PKD2L1: variants seen among roughly 807,000 people sequenced by gnomAD.
The protein encoded by PKD2L1 is polycystin 2 like 1, transient receptor potential cation channel.
A neutral mutation model predicts 93.0 loss-of-function variants in PKD2L1; 77 were observed. The ratio of observed to expected loss-of-function variants is 0.83; its 90% CI spans 0.69 to 1.00. The LOEUF is 1.00. PKD2L1 is among the 50% of genes least tolerant of loss of function. PKD2L1 has a pLI of 0.00. For synonymous variants in PKD2L1, 390 were observed against 388.0 expected, an observed-to-expected ratio of 1.01 and a Z score of -0.06; for missense variants, 977 against 990.9, an observed-to-expected ratio of 0.99 and a Z score of 0.19.
chr10:100,329,328 A>T lies in PKD2L1; in HGVS notation c.236-4T>A. ...GTCAGGGTTGTTCCCCAAAGTCCTA[A>T]GGGGCATGGGAGAGATGCCTGGGAT... is the stretch of plus-strand genomic sequence containing the variant. On this transcript the variant is annotated splice_region_variant and splice_polypyrimidine_tract_variant and intron_variant, in intron 1 of 15. Transcript: ENST00000318222. The T allele has an allele frequency of 6.2e-7, 1 of 1,614,100 alleles. No individual in the cohort carries two copies. The highest frequency in any genetic ancestry group is 2.2e-5 in the East Asian group (1 of 44,878).
Position 100,315,993 on chromosome 10 carries a change from C to G in PKD2L1, c.349+13218G>C, listed in dbSNP as rs12268799. ...CGATGACTTTGGGCTTCCCCAGACA[C>G]GAATGGTACCTGTCTCTGGGACCTT... On this transcript the variant is annotated intron_variant, in intron 2 of 15. Transcript: ENST00000318222. 3.3e-5 allele frequency among the ~76,000 whole-genome samples: 5 copies of G among 152,236 alleles called. No individual in the cohort carries two copies. In the East Asian group the frequency reaches 5.8e-4, roughly 18 times the overall value.
At chr10:100,324,933 T>A (rs1849344299) in intron 2 of PKD2L1, among the ~76,000 whole-genome samples, 1 of 152,180 alleles carries the variant, frequency 6.6e-6, no homozygotes, top group Non-Finnish European at 1.5e-5. Flanking sequence ...GAAAACAGCA[T>A]CCTGATAGAG....
chr10:100,300,901 T>C (rs570684472), intron 2 of PKD2L1, among the ~76,000 whole-genome samples: 2 of 152,214 alleles, frequency 1.3e-5, no homozygotes, highest in Non-Finnish European at 2.9e-5. Flanking sequence ...AATGGCACGA[T>C]CTTGGCTCAC....
chr10:100,294,796 C>A, intron 8 of PKD2L1, 141 bp from the exon 9 acceptor site: 1 of 1,343,892 alleles, frequency 7.4e-7, no homozygotes, highest in South Asian at 1.3e-5. Flanking sequence ...TTTAAGCACA[C>A]ACACCAGGGC....
chr10:100,306,859 A>AAAAAAAAAAAAAC (rs1848813972), intron 2 of PKD2L1, among the ~76,000 whole-genome samples: 1 of 148,404 alleles, frequency 6.7e-6, no homozygotes. Context: ...CCCTGTCAAA[A>AAAAAAAAAAAAAC]AAAAAAAAAA....
chr10:100,299,635 C>T lies in PKD2L1; in HGVS notation c.433G>A (p.Gly145Arg). ...ELFLHTPSDT[G>R]VSFQAISSMA... is the part of the protein sequence containing the mutation. ...CTGCTGATGGCCTGAAAGGAGACTCCAGTGTCTGATGGAGTATGTAAGAAG... is the reference window on the plus strand; with the variant it reads ...CTGCTGATGGCCTGAAAGGAGACTCTAGTGTCTGATGGAGTATGTAAGAAG... The change falls in exon 3 of 16, where the codon GGA (glycine) becomes AGA (arginine). Residue 145 changes from glycine to arginine, a missense_variant. Gly to Arg is a moderately radical substitution (Grantham distance 125). Transcript: ENST00000318222. 2 of 1,613,698 alleles carry T rather than the reference C, an allele frequency of 1.2e-6. No homozygotes were observed. Among genetic ancestry groups the T allele is most frequent in the Middle Eastern group, 1.7e-4 (1 of 6,058 alleles).
intron 14 of PKD2L1, among the ~76,000 whole-genome samples, chr10:100,289,545 AT>A (rs1848357021): frequency 6.6e-6 from 1 of 152,058 alleles, no homozygotes; most frequent in South Asian, 2.1e-4. Context: ...ATCTCAAATA[AT>A]AATAATAATA....
Position 100,298,782 on chromosome 10 carries a change from A to G in PKD2L1, c.511T>C (p.Trp171Arg). ...AQGPLLDSLYWTKWYNNQSLG... is the reference protein window; with the variant it reads ...AQGPLLDSLYRTKWYNNQSLG... ...CTCTGGTTGTTGTACCATTTGGTCC[A>G]ATACAAACTGTCCAGTAGTGGGCCC... Residue 171 changes from tryptophan to arginine, a missense_variant, in exon 4 of 16, where the codon TGG becomes CGG. Physicochemically the swap from Trp to Arg is moderately radical, Grantham distance 101. Transcript: ENST00000318222. The G allele has an allele frequency of 4.3e-6, 7 of 1,613,602 alleles. No homozygotes were observed. Among genetic ancestry groups the G allele is most frequent in the Non-Finnish European group, 5.9e-6 (7 of 1,179,990 alleles).
intron 2 of PKD2L1, among the ~76,000 whole-genome samples, chr10:100,319,485 C>T (rs1849181256): frequency 6.6e-6 from 1 of 152,192 alleles, no homozygotes; most frequent in South Asian, 2.1e-4. Context: ...TCATTACAGC[C>T]ACACAGGAAC....
rs755427105 is a variant in PKD2L1, at chr10:100,295,044, C to G, written c.1436G>C (p.Gly479Ala). Reference sequence around the variant, plus strand: ...AACAATGAAGAACATGACGGCGAAGCCCAGGATGTCCTTGGCACAGCGGGC... The same window carrying G: ...AACAATGAAGAACATGACGGCGAAGGCCAGGATGTCCTTGGCACAGCGGGC... Reference protein sequence around the residue: ...TLARCAKDILGFAVMFFIVFF... With the variant: ...TLARCAKDILAFAVMFFIVFF... Residue 479 changes from glycine (G) to alanine (A), a missense_variant, in exon 8 of 16, where the codon GGC (glycine) becomes GCC (alanine). Transcript: ENST00000318222. 3 of 1,614,006 alleles carry G rather than the reference C, an allele frequency of 1.9e-6. No individual in the cohort carries two copies. The highest frequency in any genetic ancestry group is 1.7e-6 in the Non-Finnish European group (2 of 1,179,998).
At chr10:100,311,627 G>T (rs1442362241) in intron 2 of PKD2L1, among the ~76,000 whole-genome samples, 1 of 152,078 alleles carries the variant, frequency 6.6e-6, no homozygotes, top group African/African-American at 2.4e-5. Flanking sequence ...CCTTTCCCAG[G>T]TGATTGCCAT....
chr10:100,306,223 T>C (rs1045081239), intron 2 of PKD2L1, among the ~76,000 whole-genome samples: 9 of 152,226 alleles, frequency 5.9e-5, no homozygotes, highest in Non-Finnish European at 5.9e-5. Context: ...TCCAAAGTGA[T>C]ACTCGTGGTC....
intron 7 of PKD2L1, among the ~76,000 whole-genome samples, 177 bp downstream of exon 7, chr10:100,295,945 A>G (rs1346240913): frequency 6.6e-6 from 1 of 151,500 alleles, no homozygotes; most frequent in Non-Finnish European, 1.5e-5. Context: ...CTGAGGCAGG[A>G]GAATCACTTG....
intron 2 of PKD2L1, among the ~76,000 whole-genome samples, chr10:100,311,112 C>G (rs1400883233): frequency 6.6e-6 from 1 of 152,186 alleles, no homozygotes; most frequent in Non-Finnish European, 1.5e-5. Flanking sequence ...GCCAATTATT[C>G]CCAGAGTTAG....
At chr10:100,307,409 A>C (rs983025530) in intron 2 of PKD2L1, among the ~76,000 whole-genome samples, 6 of 152,196 alleles carry the variant, frequency 3.9e-5, no homozygotes, top group African/African-American at 1.4e-4. Flanking sequence ...GGTCATCCCA[A>C]CACTTTAGGA....
At chr10:100,326,215 C>T (rs1251865125) in intron 2 of PKD2L1, among the ~76,000 whole-genome samples, 2 of 152,146 alleles carry the variant, frequency 1.3e-5, no homozygotes, top group Non-Finnish European at 2.9e-5. Flanking sequence ...AATAGCTCTC[C>T]CTGTCCCCCT....
chr10:100,329,961 GGCTGGAGAGGCCCCGT>G lies in PKD2L1; in HGVS notation c.127_142del (p.Thr43ProfsTer38). ...TTCATCTTCAGGCTTCTTGGGTTGG[GGCTGGAGAGGCCCCGT>G]GCTGGAGATGGTGCAGACTCTCAGC... On this transcript the variant is annotated frameshift_variant, in exon 1 of 16. Transcript: ENST00000318222. LOFTEE classifies it high-confidence loss of function. The G allele has an allele frequency of 6.2e-7, 1 of 1,614,032 alleles. No homozygotes were observed. Among genetic ancestry groups the G allele is most frequent in the Non-Finnish European group, 8.5e-7 (1 of 1,179,956 alleles).
rs114216917 is a variant in PKD2L1 at position 100,306,890 on chromosome 10, A to G, written c.350-7172T>C. Among the ~76,000 whole-genome samples, 814 of 145,942 alleles carry G rather than the reference A, an allele frequency of 5.6e-3. 10 individuals are homozygous for G. The highest frequency in any genetic ancestry group is 0.02 in the African/African-American group (767 of 38,888). On this transcript the variant is annotated intron_variant, in intron 2 of 15. Coordinates refer to ENST00000318222, the MANE Select transcript of PKD2L1 (RefSeq NM_016112.3). ...AAAAAAAAAGAAAGAGAGAGAAAGA[A>G]AGAAAGAAAAAACAAAAACAAAAAA...
In PKD2L1 at chr10:100,304,532, T is replaced by C. The variant is rs563683161; in HGVS notation, c.350-4814A>G. Reference sequence around the variant, plus strand: ...TTTTTGAGACAGGGTCTTGCTGTGTTGCCCAGGCTGGAGTGGGGTGGCACT... The same window carrying C: ...TTTTTGAGACAGGGTCTTGCTGTGTCGCCCAGGCTGGAGTGGGGTGGCACT... On this transcript the variant is annotated intron_variant, in intron 2 of 15. Coordinates refer to ENST00000318222, the MANE Select transcript of PKD2L1 (RefSeq NM_016112.3). 3.3e-5 allele frequency among the ~76,000 whole-genome samples: 5 copies of C among 152,274 alleles called. No individual in the cohort carries two copies. In the East Asian group the frequency reaches 9.6e-4, roughly 29 times the overall value.
Sources: allele counts gnomAD v4.1 joint callset (sites outside exome capture counted in the v4.1 genomes callset), GRCh38; gene constraint gnomAD v4.1.1; transcripts MANE v1.5; gene names NCBI Gene and HGNC (gene_info 2026-07-23, HGNC 2026-07-21).